Variants in CSMD3 observed in about 807,000 individuals in gnomAD.
The protein encoded by CSMD3 is CUB and Sushi multiple domains 3.
In CSMD3, 177 loss-of-function variants were observed where a neutral mutation model predicts 435.2. That is an observed-to-expected ratio of 0.41 (90% confidence interval 0.36 to 0.46). The LOEUF (loss-of-function observed/expected upper bound fraction) is 0.46. Among genes scored for constraint, CSMD3 ranks in the 20% least tolerant of loss-of-function variants. The probability of loss-of-function intolerance (pLI) is 0.34; values close to 1 mark genes in which losing one functional copy is unlikely to be tolerated. For synonymous variants in CSMD3, 1,656 were observed against 1,520.5 expected, an observed-to-expected ratio of 1.09 and a Z score of -2.07; for missense variants, 4,265 against 4,504.6, an observed-to-expected ratio of 0.95 and a Z score of 1.52.
chr8:113,325,487 A>AT (rs2093977814), intron 1 of CSMD3, among the ~76,000 whole-genome samples: 1 of 152,080 alleles, frequency 6.6e-6, no homozygotes, highest in Non-Finnish European at 1.5e-5. Context: ...TTCCACCATG[A>AT]TTGTGAGGCC....
At chr8:112,799,497 T>G (rs1163118826) in intron 13 of CSMD3, among the ~76,000 whole-genome samples, 1 of 152,016 alleles carries the variant, frequency 6.6e-6, no homozygotes, top group Non-Finnish European at 1.5e-5. Context: ...TTAGTAATTT[T>G]TTCAGTCAGA....
chr8:112,634,685 A>G (rs1262545053), intron 22 of CSMD3, among the ~76,000 whole-genome samples: 1 of 152,094 alleles, frequency 6.6e-6, no homozygotes, highest in Admixed American at 6.6e-5. Flanking sequence ...TCAGGTTTTC[A>G]TAGATCCATT....
intron 22 of CSMD3, among the ~76,000 whole-genome samples, chr8:112,600,898 C>T (rs1792744691): frequency 1.3e-5 from 2 of 152,000 alleles, no homozygotes; most frequent in South Asian, 4.2e-4. Flanking sequence ...AGGATGGTCT[C>T]GATCTCGTGA....
chr8:112,970,986 G>C (rs1359425866), intron 7 of CSMD3, among the ~76,000 whole-genome samples: 1 of 152,076 alleles, frequency 6.6e-6, no homozygotes, highest in African/African-American at 2.4e-5. Flanking sequence ...CTCCCAAAGT[G>C]CTGGGATGAC....
intron 10 of CSMD3, among the ~76,000 whole-genome samples, chr8:112,860,524 C>T (rs2080798322): frequency 6.6e-6 from 1 of 151,678 alleles, no homozygotes; most frequent in African/African-American, 2.4e-5. Context: ...CCATTTTTCT[C>T]TCCCCTTTCA....
chr8:113,124,088 G>A (rs984967214), intron 4 of CSMD3, among the ~76,000 whole-genome samples: 3 of 151,876 alleles, frequency 2.0e-5, no homozygotes, highest in African/African-American at 7.2e-5. Flanking sequence ...TACCAAATAC[G>A]TGGTGGTTCA....
At chr8:113,265,723 T>C (rs2093464437) in intron 3 of CSMD3, among the ~76,000 whole-genome samples, 1 of 151,566 alleles carries the variant, frequency 6.6e-6, no homozygotes, top group Admixed American at 6.6e-5. Flanking sequence ...ATTCTCTAGA[T>C]TAGGATTTTG....
chr8:112,529,488 G>A (rs1267343971), intron 27 of CSMD3, among the ~76,000 whole-genome samples: 2 of 152,116 alleles, frequency 1.3e-5, no homozygotes, highest in African/African-American at 4.8e-5. Context: ...TCAGAAGGCT[G>A]AGGCAGAAGG....
chr8:112,443,151 T>C (rs901083837), intron 32 of CSMD3, among the ~76,000 whole-genome samples: 8 of 151,982 alleles, frequency 5.3e-5, no homozygotes, highest in African/African-American at 1.9e-4. Context: ...CAAAGTGGAG[T>C]GTTTAAGACA....
intron 3 of CSMD3, among the ~76,000 whole-genome samples, chr8:113,192,578 C>A (rs2092601087): frequency 6.6e-6 from 1 of 151,530 alleles, no homozygotes; most frequent in Non-Finnish European, 1.5e-5. Flanking sequence ...TCTCTTATTT[C>A]TATTTCCTAT....
intron 50 of CSMD3, among the ~76,000 whole-genome samples, chr8:112,306,519 C>T (rs1362886203): frequency 6.6e-6 from 1 of 152,124 alleles, no homozygotes; most frequent in African/African-American, 2.4e-5. Flanking sequence ...TAAAGAGTAT[C>T]TCTAATGCAA....
intron 32 of CSMD3, among the ~76,000 whole-genome samples, chr8:112,414,391 C>T (rs1466147052): frequency 6.6e-6 from 1 of 152,170 alleles, no homozygotes; most frequent in Admixed American, 6.5e-5. Flanking sequence ...TGCTGGCTCA[C>T]CCTGTGTCCT....
chr8:112,984,698 A>G (rs2085184047), intron 6 of CSMD3, among the ~76,000 whole-genome samples: 1 of 152,152 alleles, frequency 6.6e-6, no homozygotes, highest in African/African-American at 2.4e-5. Flanking sequence ...TGGGTGAAAT[A>G]TGAAGGAAGA....
chr8:113,016,140 A>T (rs2086449310), intron 6 of CSMD3, among the ~76,000 whole-genome samples: 3 of 151,868 alleles, frequency 2.0e-5, no homozygotes, highest in African/African-American at 7.2e-5. Flanking sequence ...TATTATAGGT[A>T]AACTAGGAAG....
chr8:112,290,643 A>T (rs1391551621), intron 56 of CSMD3, among the ~76,000 whole-genome samples: 1 of 152,024 alleles, frequency 6.6e-6, no homozygotes, highest in Non-Finnish European at 1.5e-5. Flanking sequence ...AACATAAAAA[A>T]ATCCTCTAAA....
intron 13 of CSMD3, among the ~76,000 whole-genome samples, chr8:112,753,980 G>GGAGC (rs34515262): frequency 0.45 from 67,790 of 151,722 alleles, 16,194 homozygotes; most frequent in Non-Finnish European, 0.52. Flanking sequence ...AAAGAAGAAT[G>GGAGC]GAGCTGTGTG....
At chr8:112,806,585 T>C (rs1315352049) in intron 12 of CSMD3, among the ~76,000 whole-genome samples, 1 of 152,144 alleles carries the variant, frequency 6.6e-6, no homozygotes, top group East Asian at 1.9e-4. Flanking sequence ...AGATGCAATA[T>C]CCTAAATCAT....
At chr8:112,968,525 T>A (rs1485866178) in intron 7 of CSMD3, among the ~76,000 whole-genome samples, 2 of 151,596 alleles carry the variant, frequency 1.3e-5, no homozygotes, top group African/African-American at 4.8e-5. Context: ...TGCACTGTCT[T>A]ATGGTTCCCT....
chr8:113,067,945 A>C (rs2088933514), intron 5 of CSMD3, among the ~76,000 whole-genome samples: 1 of 152,124 alleles, frequency 6.6e-6, no homozygotes, highest in Non-Finnish European at 1.5e-5. Context: ...TGGTGGTTTG[A>C]AACATAATTG....
Sources: gnomAD v4.1 joint callset for allele counts (sites outside exome capture counted in the v4.1 genomes callset) on GRCh38, gnomAD v4.1.1 for gene constraint, MANE v1.5 for transcripts, NCBI Gene and HGNC (gene_info 2026-07-23, HGNC 2026-07-21) for gene names.